HKDC1: variants seen among roughly 807,000 people sequenced by gnomAD.
HKDC1 encodes the protein hexokinase HKDC1.
HKDC1 carries 66 observed loss-of-function variants against 96.6 expected under a neutral mutation model. The ratio of observed to expected loss-of-function variants is 0.68; its 90% CI spans 0.56 to 0.84. The LOEUF is 0.84. HKDC1 is among the 40% of genes least tolerant of loss of function. HKDC1 has a pLI of 0.00. For synonymous variants in HKDC1, 466 were observed against 473.1 expected, an observed-to-expected ratio of 0.98 and a Z score of 0.20; for missense variants, 1,211 against 1,208.1, an observed-to-expected ratio of 1.00 and a Z score of -0.04.
Position 69,266,719 on chromosome 10 carries a change from G to A in HKDC1, c.2716G>A (p.Val906Met), listed in dbSNP as rs749034197. 1.2e-6 allele frequency: 2 copies of A among 1,613,978 alleles called. No homozygotes were observed. The highest frequency in any genetic ancestry group is 1.7e-6 in the Non-Finnish European group (2 of 1,180,000). The change falls in exon 18 of 18, where the codon GTG (valine) becomes ATG (methionine). Residue 906 changes from valine to methionine, a missense_variant. Physicochemically the swap from Val to Met is conservative, Grantham distance 21. Coordinates refer to ENST00000354624, the MANE Select transcript of HKDC1 (RefSeq NM_025130.4). ...AAAAGGGGCAGCACTGATCACTGCT[G>A]TGGCCAAGAGGTTACAGCAGGCACA... ...SGKGAALITA[V>M]AKRLQQAQKE... is the part of the protein sequence containing the mutation.
At chr10:69,253,502 C>G (rs1843675563) in intron 12 of HKDC1, among the ~76,000 whole-genome samples, 3 of 152,228 alleles carry the variant, frequency 2.0e-5, no homozygotes. Flanking sequence ...TTTTGCAAAC[C>G]TGTCTCTACT....
At chr10:69,223,374 C>A (rs1358937847) in intron 1 of HKDC1, 2 of 152,140 alleles carry the variant, frequency 1.3e-5, no homozygotes, top group African/African-American at 4.8e-5. Flanking sequence ...TTATAAGGTA[C>A]ATACAGTTCT....
intron 12 of HKDC1, 48 bp downstream of exon 12, chr10:69,250,700 C>G: frequency 1.2e-6 from 2 of 1,605,118 alleles, no homozygotes; most frequent in Non-Finnish European, 1.7e-6. Context: ...GGCTTCCTTC[C>G]TCTTCTGGGA....
intron 7 of HKDC1, among the ~76,000 whole-genome samples, chr10:69,244,266 TC>T (rs1554868086): frequency 6.6e-6 from 1 of 152,186 alleles, no homozygotes. Flanking sequence ...CGTAAGACGT[TC>T]CCGGCTCATG....
intron 4 of HKDC1, among the ~76,000 whole-genome samples, chr10:69,234,922 A>G (rs751556781): frequency 1.5e-4 from 23 of 152,226 alleles, no homozygotes; most frequent in Non-Finnish European, 5.9e-5. Flanking sequence ...GCTGAGTTTT[A>G]CTTTTTCATT....
intron 8 of HKDC1, 50 bp downstream of exon 8, chr10:69,246,284 C>T (rs1021207203): frequency 1.9e-6 from 3 of 1,599,730 alleles, no homozygotes; most frequent in Non-Finnish European, 2.6e-6. Flanking sequence ...GATGGGAGGC[C>T]CAGGTGTGGG....
At chr10:69,263,280 A>G (rs932004578) in intron 16 of HKDC1, among the ~76,000 whole-genome samples, 1 of 152,026 alleles carries the variant, frequency 6.6e-6, no homozygotes, top group Non-Finnish European at 1.5e-5. Context: ...TGTATTTTTT[A>G]TAGAGATGGA....
intron 1 of HKDC1, among the ~76,000 whole-genome samples, chr10:69,224,737 C>T (rs1244493397): frequency 6.6e-6 from 1 of 152,216 alleles, no homozygotes. Flanking sequence ...CTCCAGCTCC[C>T]ACCTTCTGCA....
intron 2 of HKDC1, among the ~76,000 whole-genome samples, chr10:69,228,119 G>C (rs1168888699): frequency 6.6e-6 from 1 of 152,116 alleles, no homozygotes; most frequent in Non-Finnish European, 1.5e-5. Context: ...TTCAGGTGTC[G>C]GCAGGGCTGC....
At chr10:69,232,716 T>C in intron 2 of HKDC1, 48 bp from the exon 3 acceptor site, 1 of 1,560,826 alleles carries the variant, frequency 6.4e-7, no homozygotes, top group Non-Finnish European at 8.8e-7. Context: ...GCTTGCCATA[T>C]CTGTAGTAGA....
intron 16 of HKDC1, among the ~76,000 whole-genome samples, chr10:69,264,224 TG>T (rs1379992210): frequency 5.3e-5 from 8 of 151,758 alleles, no homozygotes; most frequent in Non-Finnish European, 7.4e-5. Context: ...TGTGTGTGTG[TG>T]TGTGTGTGTG....
chr10:69,258,566 G>C (rs1171663396), intron 14 of HKDC1, among the ~76,000 whole-genome samples: 1 of 152,128 alleles, frequency 6.6e-6, no homozygotes, highest in Non-Finnish European at 1.5e-5. Flanking sequence ...CAAACCCATA[G>C]GCAGGTATTA....
chr10:69,261,385 A>C, intron 16 of HKDC1, 91 bp downstream of exon 16: 1 of 1,278,668 alleles, frequency 7.8e-7, no homozygotes, highest in Non-Finnish European at 1.1e-6. Flanking sequence ...AAAAATAAAA[A>C]CAGAAAGGCC....
At chr10:69,240,622 G>A (rs1326116024) in intron 5 of HKDC1, 30 bp from the exon 6 acceptor site, 12 of 1,589,606 alleles carry the variant, frequency 7.5e-6, no homozygotes, top group Non-Finnish European at 1.0e-5. Context: ...CTTCCCACCC[G>A]CTGATTCCCT....
At chr10:69,247,304 G>C in intron 8 of HKDC1, 56 bp from the exon 9 acceptor site, 1 of 1,195,956 alleles carries the variant, frequency 8.4e-7, no homozygotes, top group Non-Finnish European at 1.2e-6. Flanking sequence ...TGTTCCCCCA[G>C]GAGGATACCA....
rs759051888 is a variant in HKDC1 at position 69,227,270 on chromosome 10, T to C, written c.127T>C (p.Phe43Leu). ...DDTLLDIMRR[F>L]RAEMEKGLAK... ...CACCCTTTTGGACATCATGAGGCGG[T>C]TCCGGGCTGAGATGGAGAAGGGCCT... Residue 43 changes from phenylalanine to leucine, a missense_variant, in exon 2 of 18, where the codon TTC (phenylalanine) becomes CTC (leucine). Transcript: ENST00000354624. 7 of 1,613,980 alleles carry C rather than the reference T, an allele frequency of 4.3e-6. No homozygotes were observed. In the South Asian group the frequency reaches 7.7e-5, roughly 18 times the overall value.
At chr10:69,248,224 G>A (rs1407941408) in intron 9 of HKDC1, among the ~76,000 whole-genome samples, 200 bp from the exon 10 acceptor site, 3 of 151,872 alleles carry the variant, frequency 2.0e-5, no homozygotes, top group African/African-American at 4.8e-5. Context: ...GCACTTCCCC[G>A]AGCCTCCCAA....
intron 1 of HKDC1, among the ~76,000 whole-genome samples, chr10:69,220,924 C>T (rs561880430): frequency 1.3e-5 from 2 of 152,060 alleles, no homozygotes; most frequent in Non-Finnish European, 2.9e-5. Context: ...CCGAGGTGGG[C>T]GGATTACCTG....
intron 13 of HKDC1, 60 bp downstream of exon 13, chr10:69,257,191 C>A: frequency 6.7e-7 from 1 of 1,495,448 alleles, no homozygotes; most frequent in South Asian, 1.1e-5. Context: ...CCCCTCTGCT[C>A]TGCCATCCTC....
Sources: allele counts gnomAD v4.1 joint callset (sites outside exome capture counted in the v4.1 genomes callset), GRCh38; gene constraint gnomAD v4.1.1; transcripts MANE v1.5; gene names NCBI Gene and HGNC (gene_info 2026-07-23, HGNC 2026-07-21).